ATG2B: variants seen among roughly 807,000 people sequenced by gnomAD.
The protein encoded by ATG2B is autophagy related 2B.
Under a neutral mutation model 241.3 loss-of-function variants are expected in ATG2B, and 121 were observed. The observed-to-expected ratio is 0.50, with a 90% CI of 0.43 to 0.58. The LOEUF is 0.58. Among genes scored for constraint, ATG2B ranks in the 20% least tolerant of loss-of-function variants. The probability of loss-of-function intolerance (pLI) is 0.00; values close to 1 mark genes in which losing one functional copy is unlikely to be tolerated. For missense variants in ATG2B, 2,306 were observed against 2,491.6 expected, an observed-to-expected ratio of 0.93 and a Z score of 1.59; for synonymous variants, 858 against 876.6, an observed-to-expected ratio of 0.98 and a Z score of 0.37.
chr14:96,356,608 C>T (rs2139911229), intron 1 of ATG2B, among the ~76,000 whole-genome samples: 1 of 152,144 alleles, frequency 6.6e-6, no homozygotes, highest in African/African-American at 2.4e-5. Flanking sequence ...GTATCAGAAT[C>T]TCCTAGGATG....
At chr14:96,336,321 C>T (rs1887867416) in intron 6 of ATG2B, among the ~76,000 whole-genome samples, 1 of 152,248 alleles carries the variant, frequency 6.6e-6, no homozygotes, top group Non-Finnish European at 1.5e-5. Context: ...TTTCTCAATA[C>T]TAAAATCCAG....
intron 29 of ATG2B, among the ~76,000 whole-genome samples, chr14:96,308,430 T>C (rs2139855661): frequency 6.8e-6 from 1 of 146,744 alleles, no homozygotes; most frequent in South Asian, 2.2e-4. Context: ...TCTGGGACTA[T>C]AGGCGCCTGC....
At chr14:96,312,868 A>C (rs1168607385) in intron 25 of ATG2B, among the ~76,000 whole-genome samples, 197 bp downstream of exon 25, 3 of 152,224 alleles carry the variant, frequency 2.0e-5, no homozygotes, top group African/African-American at 7.2e-5. Context: ...TTCTTCCCTA[A>C]AAATGAAATG....
At chr14:96,357,747 C>G (rs1888517773) in intron 1 of ATG2B, among the ~76,000 whole-genome samples, 1 of 151,546 alleles carries the variant, frequency 6.6e-6, no homozygotes, top group Non-Finnish European at 1.5e-5. Context: ...TAAAAGACTT[C>G]AAAAGGTAAG....
chr14:96,305,141 G>A (rs1886903283), intron 31 of ATG2B, among the ~76,000 whole-genome samples: 1 of 152,088 alleles, frequency 6.6e-6, no homozygotes, highest in African/African-American at 2.4e-5. Context: ...GATTCTCCCA[G>A]CGACCGGCAC....
intron 29 of ATG2B, among the ~76,000 whole-genome samples, chr14:96,307,386 G>A (rs923387234): frequency 3.3e-5 from 5 of 152,110 alleles, no homozygotes; most frequent in Non-Finnish European, 7.3e-5. Context: ...ACTCCAGCCT[G>A]CGTGACAGAC....
intron 1 of ATG2B, among the ~76,000 whole-genome samples, chr14:96,352,178 C>T (rs1038211319): frequency 5.9e-5 from 9 of 152,092 alleles, no homozygotes; most frequent in African/African-American, 2.2e-4. Flanking sequence ...CATCATAAGG[C>T]AATGTAGCAC....
chr14:96,359,535 T>A (rs1318548767), intron 1 of ATG2B, among the ~76,000 whole-genome samples: 2 of 152,184 alleles, frequency 1.3e-5, no homozygotes, highest in African/African-American at 4.8e-5. Flanking sequence ...CTGAATCGAT[T>A]AATGAAAGAA....
chr14:96,324,097 C>A (rs1181308944), intron 15 of ATG2B, 99 bp from the exon 16 acceptor site: 3 of 749,572 alleles, frequency 4.0e-6, no homozygotes, highest in Admixed American at 3.0e-5. Context: ...CATAATGCAA[C>A]CTTAAGTTCT....
At position 96,345,272 on chromosome 14, in the gene ATG2B, A is replaced by G. The variant is rs1888141267; in HGVS notation, c.439T>C (p.Phe147Leu). The G allele has an allele frequency of 6.2e-7, 1 of 1,612,776 alleles. No individual in the cohort carries two copies. The highest frequency in any genetic ancestry group is 1.3e-5 in the African/African-American group (1 of 74,860). ...TDEQGEGSQP[F>L]EGLEKFAETI... The stretch of plus-strand genomic sequence containing the variant: ...TCAGCAAACTTTTCAAGTCCTTCAA[A>G]AGGCTGGGATCCTTCTCCTTGTTCA... The change falls in exon 3 of 42, where the codon TTT becomes CTT. Residue 147 changes from phenylalanine (F) to leucine (L), a missense_variant. By Grantham distance (22) the Phe-to-Leu change is conservative (BLOSUM62 0). Coordinates refer to ENST00000359933, the MANE Select transcript of ATG2B (RefSeq NM_018036.7).
Position 96,303,124 on chromosome 14 carries a change from T to C in ATG2B, c.4974A>G (p.Gln1658=), listed in dbSNP as rs779439602. The change falls in exon 33 of 42, where the codon CAA becomes CAG. Residue 1658 remains glutamine, a synonymous_variant. Coordinates refer to ENST00000359933, the MANE Select transcript of ATG2B (RefSeq NM_018036.7). ...LEIRDRLATS[Q]MNKFLYLYCS... ...AATACAGGTATAAAAATTTATTCAT[T>C]TGTGATGTTGCCAAACGATCTCGAA... 1.4e-5 allele frequency: 22 copies of C among 1,612,986 alleles called. No homozygotes were observed. Among genetic ancestry groups the C allele is most frequent in the Non-Finnish European group, 1.8e-5 (21 of 1,179,510 alleles).
chr14:96,314,252 A>G (rs1887242404), intron 23 of ATG2B, among the ~76,000 whole-genome samples: 2 of 152,238 alleles, frequency 1.3e-5, no homozygotes, highest in Admixed American at 1.3e-4. Context: ...AGCACAATTA[A>G]GAAGTTCTCC....
intron 1 of ATG2B, among the ~76,000 whole-genome samples, chr14:96,360,697 T>C (rs927026415): frequency 2.0e-5 from 3 of 152,202 alleles, no homozygotes; most frequent in East Asian, 1.9e-4. Flanking sequence ...TCATTTAGAA[T>C]TGAAACAGTA....
At chr14:96,294,453 G>A (rs1886574939) in intron 36 of ATG2B, among the ~76,000 whole-genome samples, 1 of 152,206 alleles carries the variant, frequency 6.6e-6, no homozygotes, top group Non-Finnish European at 1.5e-5. Context: ...AGTCACAGCC[G>A]ACGGCAGCAG....
rs1287230249 is a variant in ATG2B, at chr14:96,290,645, A to T, written c.5702-55T>A. 6.3e-7 allele frequency: 1 copy of T among 1,599,568 alleles called. No homozygotes were observed. Among genetic ancestry groups the T allele is most frequent in the Non-Finnish European group, 8.5e-7 (1 of 1,171,690 alleles). On this transcript the variant is annotated intron_variant, in intron 39 of 41. Coordinates refer to ENST00000359933, the MANE Select transcript of ATG2B (RefSeq NM_018036.7). This position sits in a 1 kb window ranked among gnomAD's most constrained non-coding sequence, Gnocchi z 4.4. ...GTGCCACAGTTCAGACTTTTCTATC[A>T]TTCTAACCCTGGGGTTTTTAACTCC... is the stretch of plus-strand genomic sequence containing the variant.
chr14:96,308,270 ATATATATATATATTT>A lies in ATG2B; in HGVS notation c.4303+1168_4303+1182del, dbSNP rs1887046941. On this transcript the variant is annotated intron_variant, in intron 29 of 41. Coordinates refer to ENST00000359933, the MANE Select transcript of ATG2B (RefSeq NM_018036.7). ...TATATATACACACATATATATATATATATATATATATATTTTTTTTTTTTTTTTTTTTGAGACAGA... is the reference window on the plus strand; with the variant it reads ...TATATATACACACATATATATATATATTTTTTTTTTTTTTTTTGAGACAGA... Among the ~76,000 whole-genome samples, 65 of 27,884 alleles carry A rather than the reference ATATATATATATATTT, an allele frequency of 2.3e-3. 1 individual carries two copies. Among genetic ancestry groups the A allele is most frequent in the African/African-American group, 0.01 (53 of 5,094 alleles). The allele number at this position is 27,884 out of a possible 152,430, so 18.3% of individuals were successfully genotyped here.
At chr14:96,318,070 C>A (rs1396066654) in intron 18 of ATG2B, among the ~76,000 whole-genome samples, 1 of 152,126 alleles carries the variant, frequency 6.6e-6, no homozygotes, top group Non-Finnish European at 1.5e-5. Context: ...AGGGCAGTGA[C>A]AAAAGAATCT....
intron 14 of ATG2B, 64 bp downstream of exon 14, chr14:96,328,283 T>C: frequency 8.8e-7 from 1 of 1,133,044 alleles, no homozygotes; most frequent in Non-Finnish European, 1.2e-6. Flanking sequence ...GTTCAGAAAT[T>C]ATCTCAATAA....
chr14:96,291,553 T>G (rs767310204), intron 38 of ATG2B, 47 bp downstream of exon 38: 12 of 1,409,012 alleles, frequency 8.5e-6, no homozygotes, highest in Admixed American at 5.6e-5. Context: ...TGTTGTACAC[T>G]AACTTTGATA....
Sources: gnomAD v4.1 joint callset for allele counts (sites outside exome capture counted in the v4.1 genomes callset) on GRCh38, gnomAD v4.1.1 for gene constraint, Gnocchi (gnomAD v3.1) non-coding constraint, MANE v1.5 for transcripts, NCBI Gene and HGNC (gene_info 2026-07-23, HGNC 2026-07-21) for gene names.